The following SYNPR variants were observed in gnomAD, a reference collection of about 807,000 sequenced individuals.
SYNPR encodes synaptoporin.
A neutral mutation model predicts 32.9 loss-of-function variants in SYNPR; 23 were observed. The observed-to-expected ratio is 0.70, with a 90% CI of 0.50 to 0.99. The LOEUF is 0.99. SYNPR is among the 50% of genes least tolerant of loss of function. SYNPR has a pLI of 0.00. For synonymous variants in SYNPR, 146 were observed against 135.9 expected (o/e 1.07, Z -0.52); for missense variants, 318 against 349.3 (o/e 0.91, Z 0.71).
At chr3:63,488,008 C>A (rs892920661) in intron 3 of SYNPR, among the ~76,000 whole-genome samples, 1 of 152,112 alleles carries the variant, frequency 6.6e-6, no homozygotes. Context: ...AACACGGGGG[C>A]AGGTGCAAGT....
chr3:63,514,203 T>C (rs1246967895), intron 3 of SYNPR, among the ~76,000 whole-genome samples: 2 of 152,198 alleles, frequency 1.3e-5, no homozygotes, highest in East Asian at 1.9e-4. Context: ...GCCTTTTACA[T>C]GTGCAAGTCA....
At chr3:63,496,130 T>C (rs1368448915) in intron 3 of SYNPR, among the ~76,000 whole-genome samples, 1 of 152,070 alleles carries the variant, frequency 6.6e-6, no homozygotes, top group Admixed American at 6.6e-5. Flanking sequence ...AAAAAGTATT[T>C]ATTTTTTAAA....
rs138660290 is a variant in SYNPR at position 63,254,589 on chromosome 3, T to C, written n.154+2003T>C. ...TAGACCAAGGTTTTAGACAAGGGTC[T>C]TGCAATTGTGGGAATTTCAAGCCAG... On this transcript the variant is annotated intron_variant and non_coding_transcript_variant, in intron 2 of 4. Coordinates refer to the SYNPR transcript ENST00000478456. Among the ~76,000 whole-genome samples, 910 of 152,304 alleles carry C rather than the reference T, an allele frequency of 6.0e-3. 8 individuals are homozygous for C. The highest frequency in any genetic ancestry group is 0.021 in the African/African-American group (860 of 41,550).
At chr3:63,224,888 A>G (rs2086117277), upstream of SYNPR, among the ~76,000 whole-genome samples, 1 of 152,198 alleles carries the variant, frequency 6.6e-6, no homozygotes, top group East Asian at 1.9e-4. Context: ...TGGACGACAT[A>G]GCATATTCCC....
At chr3:63,228,551 A>G (rs779374748) in intron 1 of SYNPR, among the ~76,000 whole-genome samples, 1 of 152,122 alleles carries the variant, frequency 6.6e-6, no homozygotes. Flanking sequence ...TCTTTCCTCT[A>G]TTCAGATAGT....
intron 2 of SYNPR, among the ~76,000 whole-genome samples, chr3:63,328,424 T>G (rs1486809560): frequency 1.3e-5 from 2 of 152,182 alleles, no homozygotes; most frequent in Non-Finnish European, 2.9e-5. Flanking sequence ...AAAGAAGGAA[T>G]TCATAATGTA....
intron 3 of SYNPR, among the ~76,000 whole-genome samples, chr3:63,546,440 A>G (rs1351153361): frequency 2.0e-5 from 3 of 152,086 alleles, no homozygotes; most frequent in South Asian, 2.1e-4. Context: ...TACACTTTCA[A>G]TAAGTTGGAT....
At chr3:63,338,833 C>A (rs969361423) in intron 2 of SYNPR, among the ~76,000 whole-genome samples, 21 of 152,170 alleles carry the variant, frequency 1.4e-4, no homozygotes, top group African/African-American at 5.1e-4. Context: ...TCCAGCAATC[C>A]CAACACATGC....
chr3:63,289,993 G>C (rs2086722705), intron 2 of SYNPR, among the ~76,000 whole-genome samples: 1 of 151,936 alleles, frequency 6.6e-6, no homozygotes, highest in African/African-American at 2.4e-5. Context: ...AGCCGGGCGT[G>C]GTGGCGGGTG....
intron 2 of SYNPR, among the ~76,000 whole-genome samples, chr3:63,348,268 C>G (rs1167945489): frequency 2.0e-5 from 3 of 152,064 alleles, no homozygotes; most frequent in Admixed American, 1.3e-4. Flanking sequence ...TTTCATTTCT[C>G]TGATGATTAG....
rs1002961184 is a variant in SYNPR, at chr3:63,278,342, C to T, written c.-192C>T. 1 of 671,906 alleles carries T rather than the reference C, an allele frequency of 1.5e-6. No individual in the cohort carries two copies. Among genetic ancestry groups the T allele is most frequent in the Admixed American group, 3.2e-5 (1 of 31,720 alleles). The allele number at this position is 671,906 out of a possible 1,614,324, so 41.6% of individuals were successfully genotyped here. A position where few individuals can be genotyped will look rare whatever the true frequency, so the allele number is the denominator to read the frequency against. On this transcript the variant is annotated 5_prime_UTR_variant, in exon 1 of 6. Coordinates refer to ENST00000478300, the MANE Select transcript of SYNPR (RefSeq NM_001130003.2). ...TGACTCGCTTCGCTTCCCCGACGCG[C>T]TGGGTTCCCGGAGCGCAGAGCCCAG... is the stretch of plus-strand genomic sequence containing the variant.
chr3:63,547,269 C>T (rs983001473), intron 3 of SYNPR, among the ~76,000 whole-genome samples: 8 of 152,146 alleles, frequency 5.3e-5, no homozygotes, highest in African/African-American at 1.9e-4. Context: ...CCTTTGCAAA[C>T]TGAAGACATC....
intron 2 of SYNPR, among the ~76,000 whole-genome samples, chr3:63,475,637 C>T (rs1700885659): frequency 6.6e-6 from 1 of 152,128 alleles, no homozygotes; most frequent in African/African-American, 2.4e-5. Context: ...CTCTCATCAA[C>T]TTGCTTATAG....
At chr3:63,467,099 C>T (rs987624030) in intron 2 of SYNPR, among the ~76,000 whole-genome samples, 4 of 152,136 alleles carry the variant, frequency 2.6e-5, no homozygotes, top group African/African-American at 9.7e-5. Context: ...CAGCCTTAAC[C>T]CCTCAGGCTC....
chr3:63,263,556 C>A (rs566165350), intron 2 of SYNPR, among the ~76,000 whole-genome samples: 1 of 152,184 alleles, frequency 6.6e-6, no homozygotes, highest in African/African-American at 2.4e-5. Context: ...AGGAGGCTCA[C>A]GTCTGTTCCA....
intron 3 of SYNPR, among the ~76,000 whole-genome samples, chr3:63,508,663 G>A (rs1701636228): frequency 1.3e-5 from 2 of 152,134 alleles, no homozygotes; most frequent in Admixed American, 1.3e-4. Flanking sequence ...GGCCTGGTTA[G>A]GGTCATGTTA....
chr3:63,401,669 G>GA (rs951670783), intron 2 of SYNPR, among the ~76,000 whole-genome samples: 5 of 151,900 alleles, frequency 3.3e-5, no homozygotes, highest in African/African-American at 1.2e-4. Flanking sequence ...GTTAATGACA[G>GA]AAAAAAAAGA....
chr3:63,485,402 T>A (rs1371359241), intron 3 of SYNPR, among the ~76,000 whole-genome samples: 3 of 152,026 alleles, frequency 2.0e-5, no homozygotes, highest in African/African-American at 7.2e-5. Context: ...GAAAACTTTA[T>A]GTATGCTACC....
intron 2 of SYNPR, among the ~76,000 whole-genome samples, chr3:63,283,060 T>C (rs1435223079): frequency 6.6e-6 from 1 of 151,940 alleles, no homozygotes; most frequent in Non-Finnish European, 1.5e-5. Context: ...ACGGGAGAGG[T>C]TGATGGTAAA....
Sources: allele counts gnomAD v4.1 joint callset (sites outside exome capture counted in the v4.1 genomes callset), GRCh38; gene constraint gnomAD v4.1.1; transcripts MANE v1.5; gene names NCBI Gene and HGNC (gene_info 2026-07-23, HGNC 2026-07-21).